ATRNL1: variants seen among roughly 807,000 people sequenced by gnomAD.
ATRNL1 encodes attractin like 1.
Under a neutral mutation model 182.7 loss-of-function variants are expected in ATRNL1, and 95 were observed. The observed-to-expected ratio is 0.52, with a 90% CI of 0.44 to 0.62. The LOEUF (loss-of-function observed/expected upper bound fraction) is 0.62, where lower values mean the gene tolerates loss of function less well. Among genes scored for constraint, ATRNL1 ranks in the 20% least tolerant of loss-of-function variants. The pLI is 0.00. For missense variants in ATRNL1, 1,471 were observed against 1,679.5 expected (o/e 0.88, Z 2.17); for synonymous variants, 576 against 568.3 (o/e 1.01, Z -0.19).
At chr10:115,537,259 A>G (rs1462759656) in intron 25 of ATRNL1, among the ~76,000 whole-genome samples, 1 of 152,212 alleles carries the variant, frequency 6.6e-6, no homozygotes, top group Non-Finnish European at 1.5e-5. Context: ...ATCGTACTAG[A>G]CACTGAAATA....
chr10:115,790,384 TG>T (rs1412315759), intron 27 of ATRNL1, among the ~76,000 whole-genome samples: 1 of 152,184 alleles, frequency 6.6e-6, no homozygotes, highest in Admixed American at 6.5e-5. Context: ...CCTGAATAAA[TG>T]GCAACCTCTC....
Position 115,121,802 on chromosome 10 carries a change from G to T in ATRNL1, c.481G>T (p.Ala161Ser). The T allele has an allele frequency of 1.4e-6, 2 of 1,475,102 alleles. No homozygotes were observed. The highest frequency in any genetic ancestry group is 9.3e-7 in the Non-Finnish European group (1 of 1,075,622). The allele number at this position is 1,475,102 out of a possible 1,614,324, so 91.4% of individuals were successfully genotyped here. ...DGDSIYAPLI[A>S]VLSGLIVPEI... The stretch of plus-strand genomic sequence containing the variant: ...AGATTCAATATATGCACCTTTAATA[G>T]CTGTACTTAGGTGAGTAATTATATT... Residue 161 changes from alanine to serine, a missense_variant, in exon 3 of 29, where the codon GCT becomes TCT. Transcript: ENST00000355044.
At chr10:115,693,065 C>G (rs1157539153) in intron 26 of ATRNL1, among the ~76,000 whole-genome samples, 2 of 152,000 alleles carry the variant, frequency 1.3e-5, no homozygotes, top group Non-Finnish European at 2.9e-5. Context: ...GTGGAAAATT[C>G]TTCCCTCAAT....
chr10:115,437,991 C>A (rs1347116533), intron 21 of ATRNL1, among the ~76,000 whole-genome samples: 1 of 151,862 alleles, frequency 6.6e-6, no homozygotes, highest in African/African-American at 2.4e-5. Flanking sequence ...AGATTACAAC[C>A]AAGATCTCCT....
At chr10:115,548,103 C>T (rs1852769868) in intron 25 of ATRNL1, among the ~76,000 whole-genome samples, 1 of 152,178 alleles carries the variant, frequency 6.6e-6, no homozygotes, top group Admixed American at 6.5e-5. Flanking sequence ...GGTACTACGA[C>T]TTAGTCCGTG....
intron 8 of ATRNL1, among the ~76,000 whole-genome samples, chr10:115,207,540 AT>A (rs201565803): frequency 3.0e-4 from 45 of 150,300 alleles, no homozygotes. Flanking sequence ...CAAATCTCTG[AT>A]TTTTTTTTCT....
At chr10:115,893,215 A>G (rs1240701848) in intron 28 of ATRNL1, among the ~76,000 whole-genome samples, 3 of 152,214 alleles carry the variant, frequency 2.0e-5, no homozygotes, top group African/African-American at 7.2e-5. Flanking sequence ...AAATGGGGGC[A>G]GAACATGGAG....
chr10:115,298,701 G>A (rs1357387616), intron 15 of ATRNL1, among the ~76,000 whole-genome samples: 2 of 152,026 alleles, frequency 1.3e-5, no homozygotes, highest in South Asian at 2.1e-4. Flanking sequence ...ATAATTAGAA[G>A]CATTATTTAT....
chr10:115,761,741 T>A (rs1299474048), intron 27 of ATRNL1, among the ~76,000 whole-genome samples: 1 of 152,210 alleles, frequency 6.6e-6, no homozygotes, highest in Non-Finnish European at 1.5e-5. Flanking sequence ...TTTTCTCTTA[T>A]AAGATTTTGA....
At chr10:115,194,878 C>A (rs1282753986) in intron 8 of ATRNL1, among the ~76,000 whole-genome samples, 1 of 148,606 alleles carries the variant, frequency 6.7e-6, no homozygotes, top group Non-Finnish European at 1.5e-5. Context: ...TTGTGGTTAC[C>A]ATGAGGTTTG....
intron 19 of ATRNL1, among the ~76,000 whole-genome samples, chr10:115,380,292 A>G (rs988224175): frequency 1.3e-5 from 2 of 152,228 alleles, no homozygotes; most frequent in African/African-American, 4.8e-5. Flanking sequence ...AATTAGCAAG[A>G]AACTTAGTGT....
Position 115,259,410 on chromosome 10 carries a change from G to A in ATRNL1, c.1688-5783G>A, listed in dbSNP as rs892465678. 3.3e-5 allele frequency among the ~76,000 whole-genome samples: 5 copies of A among 152,278 alleles called. No individual in the cohort carries two copies. In the South Asian group the frequency reaches 1.0e-3, roughly 32 times the overall value. On this transcript the variant is annotated intron_variant, in intron 10 of 28. Coordinates refer to ENST00000355044, the MANE Select transcript of ATRNL1 (RefSeq NM_207303.4). Reference sequence around the variant, plus strand: ...GCAGTGAGCAAGGCTCTGTGGGTGTGGTACCTACCAAGCCAGGCACTGGAG... The same window carrying A: ...GCAGTGAGCAAGGCTCTGTGGGTGTAGTACCTACCAAGCCAGGCACTGGAG...
intron 27 of ATRNL1, among the ~76,000 whole-genome samples, chr10:115,728,104 T>C (rs1352676690): frequency 4.2e-4 from 48 of 114,420 alleles, no homozygotes; most frequent in African/African-American, 1.4e-3. Context: ...TGAAACCCCG[T>C]CTCTACTAAA....
intron 5 of ATRNL1, among the ~76,000 whole-genome samples, chr10:115,144,394 G>A (rs782398416): frequency 1.3e-5 from 2 of 152,022 alleles, no homozygotes; most frequent in Non-Finnish European, 2.9e-5. Context: ...TCCTGACCTC[G>A]TGATCCGCCT....
intron 8 of ATRNL1, among the ~76,000 whole-genome samples, chr10:115,204,885 C>T (rs1436334685): frequency 2.0e-5 from 3 of 151,984 alleles, no homozygotes; most frequent in Non-Finnish European, 4.4e-5. Context: ...AATTCATTAG[C>T]GAAGCTCATT....
chr10:115,428,335 T>C (rs1554963345), intron 21 of ATRNL1, among the ~76,000 whole-genome samples: 10 of 152,126 alleles, frequency 6.6e-5, no homozygotes. Flanking sequence ...CAATGTTTCC[T>C]GCAAATAATA....
At chr10:115,223,913 G>GTGTGTGTGTGTATATATATATA (rs71476115) in intron 9 of ATRNL1, among the ~76,000 whole-genome samples, 5 of 55,940 alleles carry the variant, frequency 8.9e-5, no homozygotes, top group African/African-American at 2.5e-4. Context: ...GTGTGTGTGT[G>GTGTGTGTGTGTATATATATATA]TATATATATA....
At chr10:115,876,130 C>A (rs4328148) in intron 28 of ATRNL1, among the ~76,000 whole-genome samples, 142,334 of 152,258 alleles carry the variant, frequency 0.93, 67,203 homozygotes, top group East Asian at 1. Context: ...TACAGACACA[C>A]GCTAAATGAA....
intron 18 of ATRNL1, among the ~76,000 whole-genome samples, chr10:115,317,506 G>T (rs538154884): frequency 6.6e-6 from 1 of 152,126 alleles, no homozygotes; most frequent in Non-Finnish European, 1.5e-5. Context: ...TTACGATATT[G>T]ATTCTTCCTC....
Sources: allele counts gnomAD v4.1 joint callset (sites outside exome capture counted in the v4.1 genomes callset), GRCh38; gene constraint gnomAD v4.1.1; transcripts MANE v1.5; gene names NCBI Gene and HGNC (gene_info 2026-07-23, HGNC 2026-07-21).